Variants in TBC1D31 observed in about 807,000 individuals in gnomAD.
TBC1D31 encodes the protein TBC1 domain family member 31.
In TBC1D31, 99 loss-of-function variants were observed where a neutral mutation model predicts 132.9. That is an observed-to-expected ratio of 0.74 (90% confidence interval 0.63 to 0.88). The LOEUF (loss-of-function observed/expected upper bound fraction) is 0.88, where lower values mean the gene tolerates loss of function less well. Ranked by LOEUF, TBC1D31 falls within the 40% of genes least tolerant of loss-of-function variation. The pLI, the probability that TBC1D31 is intolerant of heterozygous loss-of-function variation, is 0.00. For synonymous variants in TBC1D31, 385 were observed against 419.4 expected, an observed-to-expected ratio of 0.92 and a Z score of 1.00; for missense variants, 1,134 against 1,256.6, an observed-to-expected ratio of 0.90 and a Z score of 1.48.
intron 5 of TBC1D31, 109 bp downstream of exon 5, chr8:123,093,851 A>G (rs890647980): frequency 1.2e-4 from 93 of 760,714 alleles, no homozygotes; most frequent in Non-Finnish European, 1.4e-4. Context: ...ATATTAGAAA[A>G]AGTTACCTTC....
At chr8:123,111,665 C>A (rs1189981454) in intron 10 of TBC1D31, among the ~76,000 whole-genome samples, 1 of 151,142 alleles carries the variant, frequency 6.6e-6, no homozygotes, top group African/African-American at 2.4e-5. Context: ...AACACACATA[C>A]ACACACACAC....
intron 4 of TBC1D31, among the ~76,000 whole-genome samples, chr8:123,093,379 T>G (rs1393334662): frequency 1.3e-5 from 2 of 152,026 alleles, no homozygotes; most frequent in Non-Finnish European, 2.9e-5. Context: ...GTCATTATAG[T>G]GTACCTAGTT....
intron 16 of TBC1D31, 37 bp downstream of exon 16, chr8:123,130,370 C>G (rs1820501071): frequency 1.3e-6 from 2 of 1,571,444 alleles, no homozygotes; most frequent in Non-Finnish European, 1.7e-6. Context: ...TACATCATCT[C>G]CATTTACTCT....
Position 123,105,384 on chromosome 8 carries a change from C to T in TBC1D31, c.1129C>T (p.Gln377Ter). ...GAAAGTAACATCAGGGAGAGTACAG[C>T]AGCCAGCAAAATCTAGGGAAAGCAA... ...KMKVTSGRVQQPAKSRESKMQ... is the reference protein window; with the variant it reads ...KMKVTSGRVQ Residue 377 changes from glutamine to a stop codon, truncating the protein, a stop_gained, in exon 8 of 22, where the codon CAG becomes TAG. Transcript: ENST00000287380. LOFTEE classifies it high-confidence loss of function. The T allele has an allele frequency of 6.2e-7, 1 of 1,613,174 alleles. No homozygotes were observed. Among genetic ancestry groups the T allele is most frequent in the Non-Finnish European group, 8.5e-7 (1 of 1,179,582 alleles).
At chr8:123,101,805 G>A (rs1023893856) in intron 7 of TBC1D31, among the ~76,000 whole-genome samples, 1 of 152,098 alleles carries the variant, frequency 6.6e-6, no homozygotes, top group African/African-American at 2.4e-5. Context: ...AACTACTCTG[G>A]ACTAATGGTA....
At position 123,142,473 on chromosome 8, in the gene TBC1D31, T is replaced by A; in HGVS notation, c.2835+17T>A. ...GCCAAGAAGGTAAAAAATAGTGTTA[T>A]AAACTTTTTAATATCAAGCATTGAT... is the stretch of plus-strand genomic sequence containing the variant. On this transcript the variant is annotated intron_variant, in intron 19 of 21. Transcript: ENST00000287380. The A allele has an allele frequency of 6.7e-7, 1 of 1,481,762 alleles. No individual in the cohort carries two copies. Among genetic ancestry groups the A allele is most frequent in the Non-Finnish European group, 9.0e-7 (1 of 1,113,492 alleles). 91.8% of individuals were successfully genotyped at this position (1,481,762 alleles called of 1,614,324 possible). A position where few individuals can be genotyped will look rare whatever the true frequency, so the allele number is the denominator to read the frequency against.
At chr8:123,121,252 C>CCCGA (rs1819456930) in intron 11 of TBC1D31, among the ~76,000 whole-genome samples, 1 of 152,174 alleles carries the variant, frequency 6.6e-6, no homozygotes, top group Non-Finnish European at 1.5e-5. Context: ...GCCCCTGGCA[C>CCCGA]CCGACATTTT....
intron 10 of TBC1D31, among the ~76,000 whole-genome samples, chr8:123,116,418 G>A (rs931118078): frequency 1.3e-5 from 2 of 152,144 alleles, no homozygotes; most frequent in African/African-American, 4.8e-5. Flanking sequence ...CAATAGAGAC[G>A]AGAGCCAGGT....
At chr8:123,111,533 T>C (rs1319393585) in intron 10 of TBC1D31, among the ~76,000 whole-genome samples, 1 of 152,178 alleles carries the variant, frequency 6.6e-6, no homozygotes, top group Non-Finnish European at 1.5e-5. Flanking sequence ...TTCATACTAA[T>C]ATTTTCAATT....
In TBC1D31 at chr8:123,097,321, T is replaced by A; in HGVS notation, c.711T>A (p.His237Gln). The change falls in exon 6 of 22, where the codon CAT becomes CAA. Residue 237 changes from histidine (H) to glutamine (Q), a missense_variant. Transcript: ENST00000287380. ...RILAAGGKSN[H>Q]LHLWCLEARQ... is the part of the protein sequence containing the mutation. ...TGGCTGCTGGAGGCAAGTCAAATCA[T>A]CTTCATTTGTGGTGCTTGGAAGCTA... 1 of 1,614,180 alleles carries A rather than the reference T, an allele frequency of 6.2e-7. No individual in the cohort carries two copies. The highest frequency in any genetic ancestry group is 8.5e-7 in the Non-Finnish European group (1 of 1,180,030).
At chr8:123,073,249 A>T (rs1563656629) in intron 1 of TBC1D31, 1 of 468,362 alleles carries the variant, frequency 2.1e-6, no homozygotes, top group Non-Finnish European at 4.2e-6. Context: ...GAAGAGCAGG[A>T]CAATTCTGCC....
chr8:123,088,574 A>AG (rs1816018558), intron 4 of TBC1D31, among the ~76,000 whole-genome samples: 1 of 152,238 alleles, frequency 6.6e-6, no homozygotes. Flanking sequence ...CCCCTGACAC[A>AG]GCCCTCAGGA....
chr8:123,143,447 G>C (rs1821896947), intron 19 of TBC1D31, among the ~76,000 whole-genome samples: 1 of 152,146 alleles, frequency 6.6e-6, no homozygotes, highest in South Asian at 2.1e-4. Flanking sequence ...GTATCTTTTG[G>C]TTGATCCTCG....
At chr8:123,153,535 T>A (rs1822912821), downstream of TBC1D31, among the ~76,000 whole-genome samples, 1 of 152,242 alleles carries the variant, frequency 6.6e-6, no homozygotes, top group Non-Finnish European at 1.5e-5. Flanking sequence ...CCTACGTTTC[T>A]CCAGTAATCT....
chr8:123,094,921 G>A (rs971965791), intron 5 of TBC1D31, among the ~76,000 whole-genome samples: 6 of 152,178 alleles, frequency 3.9e-5, no homozygotes, highest in Non-Finnish European at 7.3e-5. Flanking sequence ...TCCTTGATTG[G>A]TCTAATAACT....
chr8:123,134,081 T>C, intron 16 of TBC1D31, 33 bp from the exon 17 acceptor site: 1 of 1,489,062 alleles, frequency 6.7e-7, no homozygotes, highest in Middle Eastern at 1.8e-4. Context: ...TGTAAATTCT[T>C]TTTGGTATTT....
At chr8:123,081,094 T>C (rs1815103704) in intron 2 of TBC1D31, among the ~76,000 whole-genome samples, 1 of 152,214 alleles carries the variant, frequency 6.6e-6, no homozygotes, top group South Asian at 2.1e-4. Context: ...GTAAATACTC[T>C]TGTCTTCCCA....
intron 4 of TBC1D31, among the ~76,000 whole-genome samples, chr8:123,086,063 G>A (rs942298304): frequency 1.1e-4 from 17 of 152,176 alleles, no homozygotes; most frequent in Admixed American, 7.2e-4. Context: ...CGGCTTGGCC[G>A]AGTGCCAGGC....
chr8:123,164,353 TG>T, the TBC1D31 span, among the ~76,000 whole-genome samples: 1 of 152,078 alleles, frequency 6.6e-6, no homozygotes, highest in Admixed American at 6.6e-5. Context: ...TCAACATTAC[TG>T]GGGCAGGGAA....
Sources: allele counts gnomAD v4.1 joint callset (sites outside exome capture counted in the v4.1 genomes callset), GRCh38; gene constraint gnomAD v4.1.1; transcripts MANE v1.5; gene names NCBI Gene and HGNC (gene_info 2026-07-23, HGNC 2026-07-21).